The following GALNT13 variants were observed in gnomAD, a reference collection of about 807,000 sequenced individuals.
The protein encoded by GALNT13 is polypeptide N-acetylgalactosaminyltransferase 13.
In GALNT13, 28 loss-of-function variants were observed where a neutral mutation model predicts 64.2. The ratio of observed to expected loss-of-function variants is 0.44; its 90% CI spans 0.32 to 0.60. GALNT13 has a LOEUF of 0.60. Among genes scored for constraint, GALNT13 ranks in the 20% least tolerant of loss-of-function variants. The pLI is 0.05. For synonymous variants in GALNT13, 214 were observed against 224.6 expected (o/e 0.95, Z 0.42); for missense variants, 577 against 669.8 (o/e 0.86, Z 1.53).
the GALNT13 span, among the ~76,000 whole-genome samples, chr2:153,704,890 G>A: frequency 6.6e-6 from 1 of 152,176 alleles, no homozygotes; most frequent in South Asian, 2.1e-4. Flanking sequence ...CCAGAGGACT[G>A]ACCTCAAGTA....
chr2:153,206,859 A>G, the GALNT13 span, among the ~76,000 whole-genome samples: 203 of 152,230 alleles, frequency 1.3e-3, no homozygotes, highest in South Asian at 3.3e-3. Context: ...AAAGAAGTCA[A>G]TAGTTCAGTG....
chr2:153,774,001 A>G, the GALNT13 span, among the ~76,000 whole-genome samples: 2 of 152,194 alleles, frequency 1.3e-5, no homozygotes, highest in Admixed American at 1.3e-4. Context: ...TGACTGATAT[A>G]TATTGATATA....
the GALNT13 span, among the ~76,000 whole-genome samples, chr2:153,359,779 A>C: frequency 6.6e-6 from 1 of 152,186 alleles, no homozygotes; most frequent in Non-Finnish European, 1.5e-5. Flanking sequence ...AAATAATTAC[A>C]ATTCATATAT....
intron 3 of GALNT13, among the ~76,000 whole-genome samples, chr2:153,997,275 A>G (rs1695583098): frequency 6.6e-6 from 1 of 152,090 alleles, no homozygotes; most frequent in South Asian, 2.1e-4. Context: ...TGGACATTTT[A>G]ATAATATTAA....
At chr2:153,154,659 A>G in the GALNT13 span, among the ~76,000 whole-genome samples, 3 of 152,198 alleles carry the variant, frequency 2.0e-5, no homozygotes, top group South Asian at 2.1e-4. Flanking sequence ...GGTTTTCTAG[A>G]TATAGGATCA....
At chr2:154,072,167 A>G (rs1558942378) in intron 3 of GALNT13, among the ~76,000 whole-genome samples, 1 of 152,134 alleles carries the variant, frequency 6.6e-6, no homozygotes, top group Non-Finnish European at 1.5e-5. Context: ...AATGACAGGC[A>G]AGCGTAGAGA....
At chr2:153,646,022 A>C in the GALNT13 span, among the ~76,000 whole-genome samples, 1 of 152,244 alleles carries the variant, frequency 6.6e-6, no homozygotes, top group East Asian at 1.9e-4. Context: ...TGAGGTATGC[A>C]GAAAAACTAT....
intron 2 of GALNT13, among the ~76,000 whole-genome samples, chr2:153,935,562 T>G (rs537523273): frequency 6.6e-6 from 1 of 152,214 alleles, no homozygotes; most frequent in Non-Finnish European, 1.5e-5. Flanking sequence ...GTTATGCAAG[T>G]TCCTGTGTTT....
At chr2:153,108,596 CT>C in the GALNT13 span, among the ~76,000 whole-genome samples, 1 of 152,082 alleles carries the variant, frequency 6.6e-6, no homozygotes, top group Non-Finnish European at 1.5e-5. Flanking sequence ...CATTAGTGAT[CT>C]GAGCCCAACT....
the GALNT13 span, among the ~76,000 whole-genome samples, chr2:153,227,615 C>A: frequency 1.7e-3 from 260 of 152,288 alleles, 1 homozygote; most frequent in African/African-American, 6.0e-3. Flanking sequence ...AATACAGTAA[C>A]TAATCTGCAT....
intron 4 of GALNT13, among the ~76,000 whole-genome samples, chr2:154,240,198 C>T (rs1234371173): frequency 6.6e-6 from 1 of 152,166 alleles, no homozygotes; most frequent in African/African-American, 2.4e-5. Flanking sequence ...GAGCAACAAA[C>T]ATCTGCCTGT....
chr2:154,363,063 C>T (rs1461527065), intron 9 of GALNT13, among the ~76,000 whole-genome samples: 1 of 152,178 alleles, frequency 6.6e-6, no homozygotes, highest in African/African-American at 2.4e-5. Flanking sequence ...TAAGTACATT[C>T]AAAACTTGTT....
chr2:153,447,421 T>C, the GALNT13 span, among the ~76,000 whole-genome samples: 16 of 152,132 alleles, frequency 1.1e-4, no homozygotes, highest in Non-Finnish European at 1.8e-4. Context: ...GGCTTGTCTT[T>C]TTTCTGATGA....
chr2:154,021,492 G>T (rs1697488664), intron 3 of GALNT13, among the ~76,000 whole-genome samples: 1 of 151,990 alleles, frequency 6.6e-6, no homozygotes, highest in Admixed American at 6.6e-5. Context: ...TCATGATTTG[G>T]CTCTCTGTTT....
the GALNT13 span, among the ~76,000 whole-genome samples, chr2:153,215,547 T>C: frequency 3.6e-3 from 554 of 152,192 alleles, 3 homozygotes; most frequent in African/African-American, 0.013. Flanking sequence ...ACTTACTTGA[T>C]CGTGGATGAA....
intron 8 of GALNT13, among the ~76,000 whole-genome samples, chr2:154,268,636 CAGAG>C (rs148641491): frequency 5.3e-4 from 79 of 149,158 alleles, no homozygotes; most frequent in South Asian, 2.3e-3. Context: ...GAGAGAGAGA[CAGAG>C]AGAGAGAGAG....
intron 3 of GALNT13, among the ~76,000 whole-genome samples, chr2:154,119,094 T>G (rs760660224): frequency 6.6e-6 from 1 of 152,154 alleles, no homozygotes; most frequent in African/African-American, 2.4e-5. Context: ...ATAACTCCCA[T>G]TAAGATTCCT....
chr2:153,105,459 G>C, the GALNT13 span, among the ~76,000 whole-genome samples: 1 of 152,058 alleles, frequency 6.6e-6, no homozygotes, highest in Non-Finnish European at 1.5e-5. Flanking sequence ...TTGAAAACTG[G>C]CACAAGACAG....
the GALNT13 span, among the ~76,000 whole-genome samples, chr2:153,132,017 A>G: frequency 6.6e-6 from 1 of 152,168 alleles, no homozygotes; most frequent in Non-Finnish European, 1.5e-5. Flanking sequence ...TCAATGATAC[A>G]GAGACTTCAT....
Sources: gnomAD v4.1 joint callset for allele counts (sites outside exome capture counted in the v4.1 genomes callset) on GRCh38, gnomAD v4.1.1 for gene constraint, MANE v1.5 for transcripts, NCBI Gene and HGNC (gene_info 2026-07-23, HGNC 2026-07-21) for gene names.